The following RBFOX1 variants were observed in gnomAD, a reference collection of about 807,000 sequenced individuals.
RBFOX1 encodes the protein RNA binding fox-1 homolog 1.
A neutral mutation model predicts 57.7 loss-of-function variants in RBFOX1; 8 were observed. The ratio of observed to expected loss-of-function variants is 0.14; its 90% CI spans 0.08 to 0.25. RBFOX1 has a LOEUF of 0.25. Ranked by LOEUF, RBFOX1 falls within the 10% of genes least tolerant of loss-of-function variation. The pLI, the probability that RBFOX1 is intolerant of heterozygous loss-of-function variation, is 1.00. For missense variants in RBFOX1, 611 were observed against 548.5 expected (o/e 1.11, Z -1.14); for synonymous variants, 326 against 222.4 (o/e 1.47, Z -4.15).
chr16:6,722,799 C>A (rs369573186), intron 3 of RBFOX1, among the ~76,000 whole-genome samples: 1 of 152,118 alleles, frequency 6.6e-6, no homozygotes, highest in African/African-American at 2.4e-5. Flanking sequence ...CATTATTTAT[C>A]TCAGCGGCCA....
chr16:5,525,396 A>G (rs544137816), intron 2 of RBFOX1, among the ~76,000 whole-genome samples: 2 of 152,100 alleles, frequency 1.3e-5, no homozygotes, highest in East Asian at 3.9e-4. Flanking sequence ...AGTGGGGGAA[A>G]CAGATGCAGA....
chr16:5,593,640 G>T (rs9936334), intron 2 of RBFOX1, among the ~76,000 whole-genome samples: 2 of 152,060 alleles, frequency 1.3e-5, no homozygotes, highest in Admixed American at 1.3e-4. Flanking sequence ...ATGCCATGGC[G>T]ATGTCAGGAA....
intron 2 of RBFOX1, among the ~76,000 whole-genome samples, chr16:6,473,026 T>C (rs2095214219): frequency 6.6e-6 from 1 of 152,152 alleles, no homozygotes; most frequent in South Asian, 2.1e-4. Context: ...TTACAAGATG[T>C]ATGCTGGTAT....
At chr16:5,797,274 A>G (rs74006302) in intron 3 of RBFOX1, among the ~76,000 whole-genome samples, 5,515 of 152,290 alleles carry the variant, frequency 0.036, 322 homozygotes, top group African/African-American at 0.12. Flanking sequence ...ATTTGCATCA[A>G]TGGTGTAGAC....
At chr16:5,867,583 G>C (rs979876155) in intron 4 of RBFOX1, among the ~76,000 whole-genome samples, 1 of 152,166 alleles carries the variant, frequency 6.6e-6, no homozygotes, top group Non-Finnish European at 1.5e-5. Context: ...TTTCTTGACA[G>C]ATACATCATA....
intron 1 of RBFOX1, among the ~76,000 whole-genome samples, chr16:6,144,342 C>G (rs540598683): frequency 4.1e-4 from 62 of 152,114 alleles, no homozygotes; most frequent in Non-Finnish European, 7.4e-4. Flanking sequence ...TTTTGCTTAC[C>G]TCTTGGAGAT....
At position 6,478,429 on chromosome 16, in the gene RBFOX1, ATTTTTTTT is replaced by A. The variant is rs58352204; in HGVS notation, c.-64+161383_-64+161390del. On this transcript the variant is annotated intron_variant, in intron 2 of 15. Transcript: ENST00000550418. ...TATATATATATATATATATATATAT[ATTTTTTTT>A]TTTTTTTTTTGTATTTTTAGTAGAG... Among the ~76,000 whole-genome samples the A allele has an allele frequency of 6.9e-3, 169 of 24,596 alleles. 2 individuals carry two copies. Among genetic ancestry groups the A allele is most frequent in the African/African-American group, 0.02 (159 of 7,812 alleles). 16.1% of individuals were successfully genotyped at this position (24,596 alleles called of 152,430 possible). A position where few individuals can be genotyped will look rare whatever the true frequency, so the allele number is the denominator to read the frequency against.
chr16:6,443,313 C>T (rs1391500824), intron 2 of RBFOX1, among the ~76,000 whole-genome samples: 2 of 152,118 alleles, frequency 1.3e-5, no homozygotes, highest in African/African-American at 4.8e-5. Flanking sequence ...CTTTTCCCTA[C>T]TACTACAAGC....
intron 4 of RBFOX1, among the ~76,000 whole-genome samples, chr16:7,265,032 C>G (rs1390443030): frequency 6.6e-6 from 1 of 152,222 alleles, no homozygotes; most frequent in Non-Finnish European, 1.5e-5. Context: ...TCAAAGCAGG[C>G]CAGTCCCATT....
At chr16:7,255,251 C>T (rs1414956805) in intron 4 of RBFOX1, among the ~76,000 whole-genome samples, 3 of 152,110 alleles carry the variant, frequency 2.0e-5, no homozygotes, top group Non-Finnish European at 2.9e-5. Context: ...TTAATAGGAA[C>T]CAAAAATTGC....
intron 1 of RBFOX1, among the ~76,000 whole-genome samples, chr16:6,166,248 G>T (rs1386422063): frequency 6.6e-6 from 1 of 152,122 alleles, no homozygotes; most frequent in Non-Finnish European, 1.5e-5. Flanking sequence ...CCTGCCTGCT[G>T]TCCTGGTGAA....
At chr16:6,512,491 C>T (rs960856215) in intron 2 of RBFOX1, among the ~76,000 whole-genome samples, 2 of 152,088 alleles carry the variant, frequency 1.3e-5, no homozygotes, top group African/African-American at 4.8e-5. Flanking sequence ...ACAAGTCCAG[C>T]ATCAGACCAA....
intron 4 of RBFOX1, among the ~76,000 whole-genome samples, chr16:7,347,738 A>T (rs1047907248): frequency 3.9e-5 from 6 of 152,116 alleles, no homozygotes; most frequent in African/African-American, 1.4e-4. Flanking sequence ...AACCTATCGT[A>T]TGTCTCAATC....
rs371743712 is a variant in RBFOX1 at position 6,861,992 on chromosome 16, G to A, written c.-15-190065G>A. 7.6e-4 allele frequency among the ~76,000 whole-genome samples: 116 copies of A among 152,064 alleles called. 8 individuals are homozygous for A. In the South Asian group the frequency reaches 0.023, roughly 31 times the overall value. ...GAGGCTTGAATCAAAGAAAAGCTGT[G>A]ATACAGACTGTGGAGTGTGTAAGAC... is the stretch of plus-strand genomic sequence containing the variant. On this transcript the variant is annotated intron_variant, in intron 3 of 15. Coordinates refer to ENST00000550418, the MANE Select transcript of RBFOX1 (RefSeq NM_018723.4).
At chr16:5,828,854 G>C (rs968622890) in intron 3 of RBFOX1, among the ~76,000 whole-genome samples, 1 of 152,088 alleles carries the variant, frequency 6.6e-6, no homozygotes, top group Non-Finnish European at 1.5e-5. Flanking sequence ...ATTTATTGTT[G>C]TGTAATAAAT....
intron 5 of RBFOX1, among the ~76,000 whole-genome samples, chr16:7,564,625 C>T (rs1248361363): frequency 2.7e-5 from 4 of 148,882 alleles, no homozygotes; most frequent in Non-Finnish European, 5.9e-5. Flanking sequence ...TTGGCTGGCA[C>T]TTTGATCCTG....
intron 3 of RBFOX1, among the ~76,000 whole-genome samples, chr16:6,698,644 G>T (rs543408895): frequency 6.6e-6 from 1 of 152,094 alleles, no homozygotes; most frequent in African/African-American, 2.4e-5. Context: ...AGGCAGACGT[G>T]GTGGGACCAC....
intron 11 of RBFOX1, among the ~76,000 whole-genome samples, chr16:7,642,971 C>CAAAT (rs1219647703): frequency 1.3e-5 from 2 of 152,220 alleles, no homozygotes; most frequent in Non-Finnish European, 2.9e-5. Flanking sequence ...AGGCAAATCA[C>CAAAT]AAATACCTCT....
chr16:7,337,558 G>T (rs2096814448), intron 4 of RBFOX1, among the ~76,000 whole-genome samples: 1 of 152,164 alleles, frequency 6.6e-6, no homozygotes, highest in African/African-American at 2.4e-5. Flanking sequence ...TAGGTCAAAA[G>T]GAGCTGGGAG....
Sources: gnomAD v4.1 joint callset for allele counts (sites outside exome capture counted in the v4.1 genomes callset) on GRCh38, gnomAD v4.1.1 for gene constraint, MANE v1.5 for transcripts, NCBI Gene and HGNC (gene_info 2026-07-23, HGNC 2026-07-21) for gene names.